CLRN3: variants seen among roughly 807,000 people sequenced by gnomAD.
CLRN3 encodes the protein clarin 3.
CLRN3 carries 12 observed loss-of-function variants against 16.7 expected under a neutral mutation model. The observed-to-expected ratio is 0.72, with a 90% CI of 0.46 to 1.16. The LOEUF (loss-of-function observed/expected upper bound fraction) is 1.16. Among genes scored for constraint, CLRN3 ranks in the 50% most tolerant of loss-of-function variants. The pLI, the probability that CLRN3 is intolerant of heterozygous loss-of-function variation, is 0.00. For missense variants in CLRN3, 296 were observed against 274.2 expected (o/e 1.08, Z -0.56); for synonymous variants, 118 against 113.0 (o/e 1.04, Z -0.28).
Position 127,890,795 on chromosome 10 carries a change from G to T in CLRN3, c.229+1761C>A, listed in dbSNP as rs189082261. The stretch of plus-strand genomic sequence containing the variant: ...CCGGGATCGTTAGCAGCTGAACACC[G>T]CAAGTTGAAGATTTCAGTAACATGA... On this transcript the variant is annotated intron_variant, in intron 1 of 2. Transcript: ENST00000368671. Among the ~76,000 whole-genome samples the T allele has an allele frequency of 9.7e-4, 148 of 152,220 alleles. 2 individuals are homozygous for T. In the East Asian group the frequency reaches 0.026, roughly 27 times the overall value.
intron 1 of CLRN3, among the ~76,000 whole-genome samples, 179 bp downstream of exon 1, chr10:127,892,377 C>A (rs1845266990): frequency 6.6e-6 from 1 of 152,180 alleles, no homozygotes; most frequent in African/African-American, 2.4e-5. Flanking sequence ...ACAAGGAGAA[C>A]CGAGGAAGCT....
At position 127,887,229 on chromosome 10, in the gene CLRN3, A is replaced by C. The variant is rs572542376; in HGVS notation, c.230-3354T>G. Among the ~76,000 whole-genome samples, 14 of 152,330 alleles carry C rather than the reference A, an allele frequency of 9.2e-5. No homozygotes were observed. The East Asian group carries it at 2.7e-3, about 29-fold the overall frequency. ...GATCAGAGGCTGCAGATGAGTTACC[A>C]TAAGAGGGAATCGCTTCCCATTCCA... On this transcript the variant is annotated intron_variant, in intron 1 of 2. Transcript: ENST00000368671.
intron 1 of CLRN3, among the ~76,000 whole-genome samples, chr10:127,891,321 C>A (rs1845255598): frequency 6.6e-6 from 1 of 152,160 alleles, no homozygotes; most frequent in African/African-American, 2.4e-5. Flanking sequence ...CAAACAGACA[C>A]CATATGGAAA....
chr10:127,878,442 A>G, intron 2 of CLRN3, 22 bp from the exon 3 acceptor site: 1 of 1,612,260 alleles, frequency 6.2e-7, no homozygotes. Context: ...ATGGAGTTTC[A>G]TGCATGGCAT....
intron 1 of CLRN3, among the ~76,000 whole-genome samples, chr10:127,890,943 C>T (rs1845251463): frequency 6.6e-6 from 1 of 152,176 alleles, no homozygotes; most frequent in African/African-American, 2.4e-5. Context: ...GACAGTGCAG[C>T]CCCTTCATTA....
intron 1 of CLRN3, among the ~76,000 whole-genome samples, chr10:127,887,277 G>A (rs564611016): frequency 5.3e-5 from 8 of 152,290 alleles, no homozygotes; most frequent in African/African-American, 1.7e-4. Flanking sequence ...CCTCCTGGAC[G>A]CTAAAGGGGA....
At position 127,885,043 on chromosome 10, in the gene CLRN3, A is replaced by G. The variant is rs557631926; in HGVS notation, c.230-1168T>C. Among the ~76,000 whole-genome samples the G allele has an allele frequency of 1.7e-3, 265 of 152,358 alleles. 1 individual carries two copies. The highest frequency in any genetic ancestry group is 2.7e-3 in the Non-Finnish European group (183 of 68,030). On this transcript the variant is annotated intron_variant, in intron 1 of 2. Coordinates refer to ENST00000368671, the MANE Select transcript of CLRN3 (RefSeq NM_152311.5). ...TTCCGTTCTGGTTTCTCTGGTCTCC[A>G]GGGAGAGAGCCTTGGAGCCCTCACC...
chr10:127,892,662 T>C lies in CLRN3; in HGVS notation c.123A>G (p.Arg41=), dbSNP rs1845271438. Reference sequence around the variant, plus strand: ...AAATGCTCCCATTTGAAGCAGAGTCTCTAACAGCAATTGTACTGGTGATCC... The same window carrying C: ...AAATGCTCCCATTTGAAGCAGAGTCCCTAACAGCAATTGTACTGGTGATCC... ...QAWITSTIAV[R]DSASNGSIFI... is the part of the protein sequence containing the mutation. Residue 41 remains arginine (R), a synonymous_variant, in exon 1 of 3, where the codon AGA becomes AGG. Transcript: ENST00000368671. 2 of 1,611,928 alleles carry C rather than the reference T, an allele frequency of 1.2e-6. No homozygotes were observed. Among genetic ancestry groups the C allele is most frequent in the Non-Finnish European group, 1.7e-6 (2 of 1,177,998 alleles).
At position 127,878,365 on chromosome 10, in the gene CLRN3, T is replaced by C. The variant is rs777029703; in HGVS notation, c.465A>G (p.Gln155=). Residue 155 remains glutamine (Q), a synonymous_variant, in exon 3 of 3, where the codon CAA becomes CAG. Transcript: ENST00000368671. ...ILFVANTQSN[Q]LSEELFQMLY... The stretch of plus-strand genomic sequence containing the variant: ...GCATTTGGAACAACTCTTCGGAGAG[T>C]TGGTTGGACTGCGTGTTCGCCACAA... The C allele has an allele frequency of 1.2e-6, 2 of 1,613,980 alleles. No individual in the cohort carries two copies. The highest frequency in any genetic ancestry group is 1.7e-6 in the Non-Finnish European group (2 of 1,180,008).
At chr10:127,888,903 T>C (rs1379891735) in intron 1 of CLRN3, among the ~76,000 whole-genome samples, 1 of 152,144 alleles carries the variant, frequency 6.6e-6, no homozygotes, top group Non-Finnish European at 1.5e-5. Flanking sequence ...TAGGATCACC[T>C]GGGAAGATTT....
intron 1 of CLRN3, among the ~76,000 whole-genome samples, chr10:127,891,751 A>G (rs1845259849): frequency 6.6e-6 from 1 of 152,268 alleles, no homozygotes; most frequent in African/African-American, 2.4e-5. Context: ...AATGATGCAT[A>G]TTTATAAGTC....
intron 1 of CLRN3, among the ~76,000 whole-genome samples, chr10:127,889,910 TG>T (rs1448561350): frequency 6.6e-6 from 1 of 152,020 alleles, no homozygotes; most frequent in Non-Finnish European, 1.5e-5. Context: ...GAGAAGGAGG[TG>T]GGTGTCCACA....
intron 2 of CLRN3, among the ~76,000 whole-genome samples, chr10:127,879,161 G>A (rs1845095974): frequency 6.6e-6 from 1 of 152,138 alleles, no homozygotes; most frequent in Non-Finnish European, 1.5e-5. Flanking sequence ...GGGCTCTGAA[G>A]TGCAGTGGTA....
In CLRN3 at chr10:127,883,669, A is replaced by C. The variant is rs767220269; in HGVS notation, c.409+27T>G. The C allele has an allele frequency of 6.5e-6, 10 of 1,544,044 alleles. No homozygotes were observed. In the East Asian group the frequency reaches 1.8e-4, roughly 28 times the overall value. The stretch of plus-strand genomic sequence containing the variant: ...ACAAGCGGGATGCAGTTTTCTGCAG[A>C]GCACCGAGTCTCACAGGGCCACTCA... On this transcript the variant is annotated intron_variant, in intron 2 of 2. Coordinates refer to ENST00000368671, the MANE Select transcript of CLRN3 (RefSeq NM_152311.5).
chr10:127,889,962 C>G (rs1022850810), intron 1 of CLRN3, among the ~76,000 whole-genome samples: 1 of 152,236 alleles, frequency 6.6e-6, no homozygotes, highest in African/African-American at 2.4e-5. Flanking sequence ...TTTCAGGATT[C>G]TGTCCTCCAA....
chr10:127,880,413 A>C (rs549809642), intron 2 of CLRN3, among the ~76,000 whole-genome samples: 1 of 152,072 alleles, frequency 6.6e-6, no homozygotes, highest in Non-Finnish European at 1.5e-5. Flanking sequence ...TAGGGGCTGG[A>C]GGAAGCCCCG....
At chr10:127,882,606 C>T (rs916861211) in intron 2 of CLRN3, among the ~76,000 whole-genome samples, 23 of 152,170 alleles carry the variant, frequency 1.5e-4, no homozygotes, top group Admixed American at 1.3e-3. Context: ...GACATGGAGA[C>T]GCTGGCCTCC....
chr10:127,884,425 G>A (rs1845168119), intron 1 of CLRN3, among the ~76,000 whole-genome samples: 2 of 152,234 alleles, frequency 1.3e-5, no homozygotes, highest in African/African-American at 4.8e-5. Flanking sequence ...GCTGAAGGCT[G>A]ACATAAGAAA....
chr10:127,886,650 C>T (rs905771545), intron 1 of CLRN3, among the ~76,000 whole-genome samples: 5 of 152,198 alleles, frequency 3.3e-5, no homozygotes, highest in African/African-American at 1.2e-4. Flanking sequence ...GCCGCATGTG[C>T]CTTGAAAACC....
Sources: allele counts gnomAD v4.1 joint callset (sites outside exome capture counted in the v4.1 genomes callset), GRCh38; gene constraint gnomAD v4.1.1; transcripts MANE v1.5; gene names NCBI Gene and HGNC (gene_info 2026-07-23, HGNC 2026-07-21).